Variants in MUC7 observed in about 807,000 individuals in gnomAD.
MUC7 encodes the protein mucin-7.
MUC7 carries 2 observed loss-of-function variants against 2.5 expected under a neutral mutation model. That is an observed-to-expected ratio of 0.81 (90% CI 0.33 to 2.55). MUC7 has a LOEUF of 2.55. Among genes scored for constraint, MUC7 ranks in the 30% most tolerant of loss-of-function variants. The pLI is 0.11. For synonymous variants in MUC7, 133 were observed against 173.4 expected (o/e 0.77, Z 1.83); for missense variants, 408 against 455.6 (o/e 0.90, Z 0.95).
intron 1 of MUC7, among the ~76,000 whole-genome samples, chr4:70,433,122 G>T (rs112651288): frequency 6.6e-6 from 1 of 152,152 alleles, no homozygotes; most frequent in Non-Finnish European, 1.5e-5. Context: ...ATGCTGTTTT[G>T]GTTACTGTAG....
At chr4:70,433,930 A>G (rs1733750647) in intron 1 of MUC7, among the ~76,000 whole-genome samples, 1 of 152,222 alleles carries the variant, frequency 6.6e-6, no homozygotes, top group African/African-American at 2.4e-5. Context: ...AGTTTTTAGC[A>G]TGACAGGCTG....
intron 2 of MUC7, among the ~76,000 whole-genome samples, chr4:70,476,811 T>C (rs1306898333): frequency 1.3e-5 from 2 of 151,794 alleles, no homozygotes; most frequent in Admixed American, 1.3e-4. Context: ...GAAAAGAAAA[T>C]ACAGGAATGT....
intron 1 of MUC7, among the ~76,000 whole-genome samples, chr4:70,455,590 T>C (rs1734391246): frequency 6.6e-6 from 1 of 152,184 alleles, no homozygotes; most frequent in African/African-American, 2.4e-5. Context: ...TTACAGAGCC[T>C]GGTATCAAAA....
chr4:70,476,748 C>A (rs896912455), intron 2 of MUC7, among the ~76,000 whole-genome samples: 1 of 152,208 alleles, frequency 6.6e-6, no homozygotes, highest in African/African-American at 2.4e-5. Context: ...GATCGTGCCA[C>A]TGCACTTCAG....
chr4:70,450,536 C>G (rs931254454), intron 1 of MUC7, among the ~76,000 whole-genome samples: 3 of 152,178 alleles, frequency 2.0e-5, no homozygotes, highest in African/African-American at 4.8e-5. Context: ...ATAGCCACCA[C>G]AGCAGATAAT....
upstream of MUC7, among the ~76,000 whole-genome samples, chr4:70,467,918 G>T (rs1734721134): frequency 6.6e-6 from 1 of 152,170 alleles, no homozygotes; most frequent in South Asian, 2.1e-4. Flanking sequence ...TGCGAGGCCA[G>T]CATCATCCTA....
Position 70,445,537 on chromosome 4 carries a change from G to GTCTTC in MUC7, c.-93+14854_-93+14858dup, listed in dbSNP as rs574553896. ...CAAAATCTCTCCCCTATTTAATAAT[G>GTCTTC]TCTTCTCTCCAGCACCACTCTAGGT... is the stretch of plus-strand genomic sequence containing the variant. On this transcript the variant is annotated intron_variant, in intron 1 of 3. Coordinates refer to the MUC7 transcript ENST00000413702. Among the ~76,000 whole-genome samples, 15 of 152,094 alleles carry GTCTTC rather than the reference G, an allele frequency of 9.9e-5. No individual in the cohort carries two copies. In the South Asian group the frequency reaches 3.1e-3, roughly 32 times the overall value.
intron 1 of MUC7, among the ~76,000 whole-genome samples, chr4:70,466,330 G>T (rs1297949736): frequency 6.6e-6 from 1 of 152,114 alleles, no homozygotes; most frequent in East Asian, 1.9e-4. Context: ...GACCATTGAG[G>T]CTAGGAAGAA....
chr4:70,451,170 T>C (rs1734270699), intron 1 of MUC7, among the ~76,000 whole-genome samples: 1 of 152,198 alleles, frequency 6.6e-6, no homozygotes, highest in Non-Finnish European at 1.5e-5. Flanking sequence ...GTTTAAATGC[T>C]CCCTTCATGG....
intron 1 of MUC7, among the ~76,000 whole-genome samples, chr4:70,456,734 C>A (rs147315327): frequency 6.6e-6 from 1 of 152,084 alleles, no homozygotes; most frequent in Non-Finnish European, 1.5e-5. Context: ...GACACAGAGC[C>A]AAACCATAGC....
At chr4:70,436,928 T>C (rs1470189249) in intron 1 of MUC7, among the ~76,000 whole-genome samples, 1 of 152,170 alleles carries the variant, frequency 6.6e-6, no homozygotes, top group Non-Finnish European at 1.5e-5. Context: ...TCTTTCTGTT[T>C]GTTAGTTTTC....
chr4:70,442,616 T>C (rs1248437452), intron 1 of MUC7, among the ~76,000 whole-genome samples: 2 of 152,192 alleles, frequency 1.3e-5, no homozygotes, highest in Non-Finnish European at 2.9e-5. Flanking sequence ...AACTCAGGGA[T>C]AGAGAAAGAA....
chr4:70,449,182 G>C (rs1734218897), intron 1 of MUC7, among the ~76,000 whole-genome samples: 1 of 152,102 alleles, frequency 6.6e-6, no homozygotes, highest in Non-Finnish European at 1.5e-5. Flanking sequence ...TAGGAGTTGG[G>C]TATTTATTGT....
At chr4:70,468,424 A>C (rs2109734469), upstream of MUC7, among the ~76,000 whole-genome samples, 1 of 152,310 alleles carries the variant, frequency 6.6e-6, no homozygotes, top group South Asian at 2.1e-4. Context: ...ATCAGGCAAG[A>C]GAAAGAAATA....
chr4:70,462,969 A>AAATG (rs145384221), intron 1 of MUC7, among the ~76,000 whole-genome samples: 4,530 of 151,796 alleles, frequency 0.03, 199 homozygotes, highest in African/African-American at 0.092. Context: ...TTGTCTCTAA[A>AAATG]AATGAATGAA....
At chr4:70,443,426 CA>C (rs1734052435) in intron 1 of MUC7, among the ~76,000 whole-genome samples, 1 of 151,984 alleles carries the variant, frequency 6.6e-6, no homozygotes, top group African/African-American at 2.4e-5. Context: ...CAAAAGATCT[CA>C]CACTATCAAA....
chr4:70,466,456 C>G (rs2109732674), intron 1 of MUC7, among the ~76,000 whole-genome samples: 1 of 152,226 alleles, frequency 6.6e-6, no homozygotes, highest in East Asian at 1.9e-4. Context: ...TTAAAAGACA[C>G]AGACTGGCAA....
intron 1 of MUC7, among the ~76,000 whole-genome samples, chr4:70,460,780 A>G (rs1014746537): frequency 2.6e-5 from 4 of 152,062 alleles, no homozygotes; most frequent in Admixed American, 2.6e-4. Flanking sequence ...ATGTCAGTGG[A>G]GGTTTCTGGG....
chr4:70,432,407 T>C (rs1475708494), intron 1 of MUC7, among the ~76,000 whole-genome samples: 1 of 152,236 alleles, frequency 6.6e-6, no homozygotes, highest in East Asian at 1.9e-4. Context: ...CTCCAGCACC[T>C]GTTGTTTCCT....
Sources: gnomAD v4.1 joint callset for allele counts (sites outside exome capture counted in the v4.1 genomes callset) on GRCh38, gnomAD v4.1.1 for gene constraint, MANE v1.5 for transcripts, NCBI Gene and HGNC (gene_info 2026-07-23, HGNC 2026-07-21) for gene names.